TMOD1: variants seen among roughly 807,000 people sequenced by gnomAD.
TMOD1 encodes tropomodulin-1.
Under a neutral mutation model 40.6 loss-of-function variants are expected in TMOD1, and 17 were observed. The observed-to-expected ratio is 0.42, with a 90% CI of 0.29 to 0.63. The LOEUF (loss-of-function observed/expected upper bound fraction) is 0.63. Ranked by LOEUF, TMOD1 falls within the 20% of genes least tolerant of loss-of-function variation. TMOD1 has a pLI of 0.22. For missense variants in TMOD1, 391 were observed against 447.6 expected (o/e 0.87, Z 1.14); for synonymous variants, 181 against 175.0 (o/e 1.03, Z -0.27).
At chr9:97,523,658 CT>C (rs1278182813) in intron 1 of TMOD1, among the ~76,000 whole-genome samples, 2 of 152,118 alleles carry the variant, frequency 1.3e-5, no homozygotes, top group African/African-American at 4.8e-5. Flanking sequence ...CTATGAACTA[CT>C]TTTTGTAAGG....
intron 4 of TMOD1, among the ~76,000 whole-genome samples, chr9:97,555,891 G>A (rs895440870): frequency 9.2e-5 from 14 of 152,198 alleles, no homozygotes; most frequent in African/African-American, 3.1e-4. Context: ...TCATCACCCA[G>A]TGTCACCTGA....
chr9:97,563,375 C>G (rs1410295757), intron 5 of TMOD1, among the ~76,000 whole-genome samples: 1 of 152,172 alleles, frequency 6.6e-6, no homozygotes, highest in African/African-American at 2.4e-5. Context: ...TCTTAATCTA[C>G]CTGGAGTTCA....
chr9:97,544,949 C>A (rs1281383992), intron 2 of TMOD1, among the ~76,000 whole-genome samples: 1 of 148,434 alleles, frequency 6.7e-6, no homozygotes, highest in Non-Finnish European at 1.5e-5. Flanking sequence ...GCAGAGGTTG[C>A]AGTGAGCCGA....
At chr9:97,562,895 T>C in intron 5 of TMOD1, 74 bp downstream of exon 5, 4 of 1,250,664 alleles carry the variant, frequency 3.2e-6, no homozygotes, top group Non-Finnish European at 4.5e-6. Flanking sequence ...CTCTGGCTCA[T>C]TGCAGAAGTT....
intron 1 of TMOD1, among the ~76,000 whole-genome samples, chr9:97,506,999 G>GTGGTGT (rs1308197929): frequency 2.0e-5 from 3 of 152,166 alleles, no homozygotes; most frequent in African/African-American, 7.2e-5. Context: ...ATCTAGTCAG[G>GTGGTGT]TGGTGTTGAC....
At chr9:97,567,450 T>A (rs1374368722) in intron 7 of TMOD1, among the ~76,000 whole-genome samples, 3 of 152,162 alleles carry the variant, frequency 2.0e-5, no homozygotes, top group Non-Finnish European at 4.4e-5. Context: ...CTGCCCTAGC[T>A]TTTCTCCTGG....
At position 97,600,195 on chromosome 9, in the gene TMOD1, T is replaced by C. The variant is rs1319135990; in HGVS notation, c.*497T>C. On this transcript the variant is annotated 3_prime_UTR_variant, in exon 10 of 10. Coordinates refer to ENST00000259365, the MANE Select transcript of TMOD1 (RefSeq NM_003275.4). ...GGAATTTTGAAAACCTCGATTAAAG[T>C]TGCCAAATTGATTACTGGATCCAGA... The C allele has an allele frequency of 2.0e-6, 2 of 995,528 alleles. No homozygotes were observed. The highest frequency in any genetic ancestry group is 1.1e-4 in the Admixed American group (2 of 18,218). The allele number at this position is 995,528 out of a possible 1,614,324, so 61.7% of individuals were successfully genotyped here.
intron 1 of TMOD1, among the ~76,000 whole-genome samples, chr9:97,522,947 T>C (rs1829939521): frequency 6.6e-6 from 1 of 152,166 alleles, no homozygotes; most frequent in African/African-American, 2.4e-5. Flanking sequence ...TGGAGGACAA[T>C]AGCGCTCGAG....
intron 1 of TMOD1, chr9:97,512,970 C>T (rs764938460): frequency 1.3e-5 from 2 of 152,114 alleles, no homozygotes; most frequent in African/African-American, 2.4e-5. Flanking sequence ...AGATAATTAC[C>T]ACCCACCCCC....
chr9:97,592,746 ACTT>A (rs1826027266), intron 9 of TMOD1, among the ~76,000 whole-genome samples: 5 of 152,314 alleles, frequency 3.3e-5, no homozygotes, highest in Admixed American at 3.3e-4. Context: ...ACACACACAC[ACTT>A]TAGATCGAGT....
At chr9:97,541,648 TG>T (rs1196550624) in intron 2 of TMOD1, among the ~76,000 whole-genome samples, 16 of 151,868 alleles carry the variant, frequency 1.1e-4, no homozygotes, top group Admixed American at 3.3e-4. Flanking sequence ...CCTGAGTAGC[TG>T]GGATTACAGG....
chr9:97,533,513 G>C (rs1455863990), intron 2 of TMOD1, among the ~76,000 whole-genome samples: 3 of 152,200 alleles, frequency 2.0e-5, no homozygotes, highest in Non-Finnish European at 4.4e-5. Context: ...CCTTGGCTTA[G>C]TGCAGTGCAC....
At chr9:97,541,162 A>G (rs967152712) in intron 2 of TMOD1, among the ~76,000 whole-genome samples, 2 of 152,132 alleles carry the variant, frequency 1.3e-5, no homozygotes, top group African/African-American at 4.8e-5. Flanking sequence ...GTCTATCCAG[A>G]TCACTTGCCC....
At position 97,586,729 on chromosome 9, in the gene TMOD1, C is replaced by G. The variant is rs576812108; in HGVS notation, c.871-4562C>G. Among the ~76,000 whole-genome samples the G allele has an allele frequency of 4.6e-5, 7 of 151,972 alleles. No homozygotes were observed. In the South Asian group the frequency reaches 1.2e-3, roughly 27 times the overall value. Reference sequence around the variant, plus strand: ...GTGGTGCGCCATTTTTTAAGCCCGTCGGAAAAGCGCAGTATTCGGGTGGGA... The same window carrying G: ...GTGGTGCGCCATTTTTTAAGCCCGTGGGAAAAGCGCAGTATTCGGGTGGGA... On this transcript the variant is annotated intron_variant, in intron 8 of 9. Coordinates refer to ENST00000259365, the MANE Select transcript of TMOD1 (RefSeq NM_003275.4).
At chr9:97,510,588 T>C (rs976509003) in intron 1 of TMOD1, among the ~76,000 whole-genome samples, 2 of 152,252 alleles carry the variant, frequency 1.3e-5, no homozygotes, top group African/African-American at 4.8e-5. Context: ...AAGCTAATAA[T>C]AATGCTAGGC....
chr9:97,559,809 A>ATC (rs1830603886), intron 4 of TMOD1, among the ~76,000 whole-genome samples: 1 of 67,680 alleles, frequency 1.5e-5, no homozygotes, highest in South Asian at 4.9e-4. Context: ...ATATATATAT[A>ATC]TATATATATA....
chr9:97,547,091 G>C (rs189127869), intron 3 of TMOD1, among the ~76,000 whole-genome samples: 1 of 151,894 alleles, frequency 6.6e-6, no homozygotes, highest in Admixed American at 6.6e-5. Context: ...CCCTTCCTTC[G>C]TCTGTCCCAT....
intron 1 of TMOD1, among the ~76,000 whole-genome samples, chr9:97,509,326 A>C (rs537233882): frequency 1.3e-5 from 2 of 152,302 alleles, no homozygotes; most frequent in South Asian, 4.1e-4. Context: ...TGTGCCTGGT[A>C]TGCAGTAAGA....
chr9:97,525,175 G>A (rs548789865), intron 2 of TMOD1, among the ~76,000 whole-genome samples: 2 of 152,102 alleles, frequency 1.3e-5, no homozygotes, highest in African/African-American at 2.4e-5. Flanking sequence ...CAGAAGAGGA[G>A]GTAAAGTCCA....
Sources: allele counts gnomAD v4.1 joint callset (sites outside exome capture counted in the v4.1 genomes callset), GRCh38; gene constraint gnomAD v4.1.1; transcripts MANE v1.5; gene names NCBI Gene and HGNC (gene_info 2026-07-23, HGNC 2026-07-21).